DDC: variants seen among roughly 807,000 people sequenced by gnomAD.
DDC encodes aromatic-L-amino-acid decarboxylase.
In DDC, 43 loss-of-function variants were observed where a neutral mutation model predicts 60.0. That is an observed-to-expected ratio of 0.72 (90% CI 0.56 to 0.92). The LOEUF is 0.92. DDC is among the 40% of genes least tolerant of loss of function. The probability of loss-of-function intolerance (pLI) is 0.00; values close to 1 mark genes in which losing one functional copy is unlikely to be tolerated. For synonymous variants in DDC, 232 were observed against 234.6 expected, an observed-to-expected ratio of 0.99 and a Z score of 0.10; for missense variants, 573 against 620.2, an observed-to-expected ratio of 0.92 and a Z score of 0.81.
chr7:50,476,593 A>C (rs1466346956), intron 11 of DDC, 31 bp downstream of exon 11: 1 of 1,599,480 alleles, frequency 6.3e-7, no homozygotes, highest in Non-Finnish European at 8.6e-7. Flanking sequence ...CTCCACTAGC[A>C]TTTGAGATTA....
At position 50,470,090 on chromosome 7, in the gene DDC, G is replaced by A. The variant is rs777681757; in HGVS notation, c.1123C>T (p.Gln375Ter). ...AAAGTCACCTTGCGGATATAAGCCT[G>A]CAGTCCTTTGACTCCATACATCCTA... ...VFRMYGVKGLQAYIRKHVQLS... is the reference protein window; with the variant it reads ...VFRMYGVKGL The change falls in exon 12 of 15, where the codon CAG becomes TAG. Residue 375 changes from glutamine to a stop codon, truncating the protein, a stop_gained. Coordinates refer to ENST00000444124, the MANE Select transcript of DDC (RefSeq NM_001082971.2). LOFTEE classifies it high-confidence loss of function. 8 of 1,610,594 alleles carry A rather than the reference G, an allele frequency of 5.0e-6. No individual in the cohort carries two copies. The South Asian group carries it at 8.8e-5, about 18-fold the overall frequency.
At chr7:50,470,411 G>A (rs1458791080) in intron 11 of DDC, among the ~76,000 whole-genome samples, 3 of 152,246 alleles carry the variant, frequency 2.0e-5, no homozygotes, top group African/African-American at 7.2e-5. Context: ...AGCCAGTGAT[G>A]TTCATTGTTT....
At chr7:50,534,295 T>C (rs936879611) in intron 4 of DDC, among the ~76,000 whole-genome samples, 3 of 152,144 alleles carry the variant, frequency 2.0e-5, no homozygotes, top group African/African-American at 2.4e-5. Context: ...CTTTTCCCTA[T>C]AGTTTCTCCC....
chr7:50,544,166 G>A (rs975243012), intron 1 of DDC, 53 bp from the exon 2 acceptor site: 62 of 1,397,942 alleles, frequency 4.4e-5, no homozygotes, highest in Non-Finnish European at 5.7e-5. Flanking sequence ...TGAACTGGAA[G>A]GCGGGGATAC....
At chr7:50,484,946 G>A (rs1435974708) in intron 9 of DDC, among the ~76,000 whole-genome samples, 1 of 152,176 alleles carries the variant, frequency 6.6e-6, no homozygotes, top group Non-Finnish European at 1.5e-5. Context: ...AGATCTAAGT[G>A]CAAAGAATCC....
At chr7:50,504,914 C>G (rs1007206135) in intron 6 of DDC, among the ~76,000 whole-genome samples, 11 of 152,210 alleles carry the variant, frequency 7.2e-5, no homozygotes, top group Non-Finnish European at 1.5e-4. Flanking sequence ...TAATCCGCTG[C>G]CTTTCTCTTT....
intron 1 of DDC, among the ~76,000 whole-genome samples, chr7:50,558,832 G>A (rs1240923859): frequency 6.6e-6 from 1 of 152,200 alleles, no homozygotes; most frequent in African/African-American, 2.4e-5. Context: ...GGGGAAGGTG[G>A]TGCCTGCAAC....
At chr7:50,469,990 AAAG>A in intron 12 of DDC, 80 bp downstream of exon 12, 1 of 984,748 alleles carries the variant, frequency 1.0e-6, no homozygotes, top group Non-Finnish European at 1.6e-6. Flanking sequence ...AAAAAAAAAA[AAAG>A]AAAAAAAATT....
intron 4 of DDC, chr7:50,531,981 CT>C (rs921345702): frequency 4.6e-5 from 7 of 152,208 alleles, no homozygotes; most frequent in African/African-American, 1.7e-4. Context: ...AAAAAATTGT[CT>C]TTTCTTCCAC....
intron 5 of DDC, among the ~76,000 whole-genome samples, chr7:50,528,875 C>G (rs2044115868): frequency 6.6e-6 from 1 of 152,166 alleles, no homozygotes; most frequent in African/African-American, 2.4e-5. Flanking sequence ...AATAACAAAG[C>G]TGCAGTTAGG....
rs146093968 is a variant in DDC, at chr7:50,506,240, G to A, written c.715-2181C>T. ...GAGGATAGTAGCCCAGAGTGTGAGA[G>A]CCCCACAGAGGAGATGCTGGGGTAG... On this transcript the variant is annotated intron_variant, in intron 6 of 14. Coordinates refer to ENST00000444124, the MANE Select transcript of DDC (RefSeq NM_001082971.2). Among the ~76,000 whole-genome samples the A allele has an allele frequency of 4.6e-3, 703 of 152,306 alleles. 3 individuals are homozygous for A. Among genetic ancestry groups the A allele is most frequent in the South Asian group, 9.3e-3 (45 of 4,832 alleles).
At chr7:50,523,352 T>G (rs913425499) in intron 6 of DDC, among the ~76,000 whole-genome samples, 5 of 152,190 alleles carry the variant, frequency 3.3e-5, no homozygotes, top group African/African-American at 1.2e-4. Flanking sequence ...ACTTCTGCTC[T>G]GCAAAAGACA....
intron 8 of DDC, among the ~76,000 whole-genome samples, chr7:50,497,922 C>T (rs1258084988): frequency 6.6e-6 from 1 of 152,136 alleles, no homozygotes; most frequent in African/African-American, 2.4e-5. Context: ...CTCTGGTACC[C>T]TCTTTTCTGG....
chr7:50,486,972 C>T (rs73119239), intron 9 of DDC, among the ~76,000 whole-genome samples: 14,440 of 152,008 alleles, frequency 0.095, 1,057 homozygotes, highest in South Asian at 0.12. Flanking sequence ...TCTTGCAACA[C>T]GTGGATTACC....
intron 3 of DDC, among the ~76,000 whole-genome samples, chr7:50,538,226 G>C (rs1164282566): frequency 6.6e-6 from 1 of 152,128 alleles, no homozygotes; most frequent in African/African-American, 2.4e-5. Context: ...CTGCGGGCTT[G>C]CTAGGATATT....
At chr7:50,527,000 T>C in intron 6 of DDC, among the ~76,000 whole-genome samples, 1 of 128,030 alleles carries the variant, frequency 7.8e-6, no homozygotes, top group East Asian at 2.2e-4. Context: ...GAAATAGACA[T>C]ATCTACACTC....
chr7:50,553,523 G>A (rs1433477214), intron 1 of DDC, among the ~76,000 whole-genome samples: 1 of 105,788 alleles, frequency 9.5e-6, no homozygotes, highest in East Asian at 3.1e-4. Flanking sequence ...GTCTTGCTCT[G>A]TCGCCCAGGC....
At chr7:50,499,341 A>G in intron 7 of DDC, 99 bp from the exon 8 acceptor site, 1 of 775,246 alleles carries the variant, frequency 1.3e-6, no homozygotes, top group Non-Finnish European at 2.2e-6. Context: ...TGGGTAGAGC[A>G]TGCCAACAGT....
chr7:50,467,106 G>A, intron 13 of DDC, 108 bp downstream of exon 13: 1 of 1,021,908 alleles, frequency 9.8e-7, no homozygotes, highest in Non-Finnish European at 1.5e-6. Context: ...GCTTTGCTCT[G>A]CCATCTCTGG....
Sources: allele counts gnomAD v4.1 joint callset (sites outside exome capture counted in the v4.1 genomes callset), GRCh38; gene constraint gnomAD v4.1.1; transcripts MANE v1.5; gene names NCBI Gene and HGNC (gene_info 2026-07-23, HGNC 2026-07-21).